The following AFG2A variants were observed in gnomAD, a reference collection of about 807,000 sequenced individuals.
The protein encoded by AFG2A is AAA ATPase AFG2A.
At chr4:123,143,811 A>G in the AFG2A span, among the ~76,000 whole-genome samples, 1 of 145,918 alleles carries the variant, frequency 6.9e-6, no homozygotes. Context: ...TCATTCAGGG[A>G]TATGCATAAA....
the AFG2A span, among the ~76,000 whole-genome samples, chr4:123,245,708 C>T: frequency 6.6e-6 from 1 of 152,184 alleles, no homozygotes; most frequent in Non-Finnish European, 1.5e-5. Flanking sequence ...TTTTCTTGCA[C>T]AGTGCTACAG....
chr4:123,250,881 A>G, the AFG2A span, among the ~76,000 whole-genome samples: 8 of 152,274 alleles, frequency 5.3e-5, no homozygotes, highest in South Asian at 1.7e-3. Context: ...CCACCCTAAT[A>G]TCCCAAAACA....
the AFG2A span, among the ~76,000 whole-genome samples, chr4:123,019,745 C>G: frequency 2.6e-5 from 4 of 152,086 alleles, no homozygotes; most frequent in Non-Finnish European, 5.9e-5. Context: ...TTTCTTATTT[C>G]TCTTTCTAGA....
the AFG2A span, among the ~76,000 whole-genome samples, chr4:123,263,382 GT>G: frequency 6.6e-6 from 1 of 152,152 alleles, no homozygotes; most frequent in Non-Finnish European, 1.5e-5. Flanking sequence ...TCTGTACAAG[GT>G]GTCTTATTTT....
At chr4:123,006,114 T>TG in the AFG2A span, among the ~76,000 whole-genome samples, 1 of 151,826 alleles carries the variant, frequency 6.6e-6, no homozygotes, top group East Asian at 1.9e-4. Context: ...GTTTTTTTTT[T>TG]TAATATCTGA....
the AFG2A span, among the ~76,000 whole-genome samples, chr4:123,007,644 C>T: frequency 6.8e-5 from 2 of 29,306 alleles, no homozygotes; most frequent in Non-Finnish European, 8.8e-5. Flanking sequence ...ACACACACAA[C>T]ACACACACAC....
At chr4:122,934,059 AT>A in the AFG2A span, 12,348 of 1,510,506 alleles carry the variant, frequency 8.2e-3, 774 homozygotes, top group African/African-American at 0.14. Context: ...GGTAAAAAAA[AT>A]TATGCTAACA....
At chr4:123,136,861 A>G in the AFG2A span, among the ~76,000 whole-genome samples, 1 of 151,960 alleles carries the variant, frequency 6.6e-6, no homozygotes, top group Admixed American at 6.5e-5. Context: ...AAAAAAAGAA[A>G]AAAAGAGAAT....
At chr4:123,235,258 T>C in the AFG2A span, among the ~76,000 whole-genome samples, 1 of 152,184 alleles carries the variant, frequency 6.6e-6, no homozygotes, top group African/African-American at 2.4e-5. Flanking sequence ...TTATGTACCA[T>C]TCTTTTTAAT....
At chr4:123,168,040 T>C in the AFG2A span, among the ~76,000 whole-genome samples, 2 of 152,180 alleles carry the variant, frequency 1.3e-5, no homozygotes, top group Non-Finnish European at 2.9e-5. Context: ...CCAGTATCAC[T>C]ATTTGTTTTG....
chr4:123,007,648 C>CACATAT, the AFG2A span, among the ~76,000 whole-genome samples: 1 of 39,848 alleles, frequency 2.5e-5, no homozygotes, highest in Non-Finnish European at 6.8e-5. Context: ...ACACAACACA[C>CACATAT]ACACACACAC....
chr4:123,035,312 G>T, the AFG2A span, among the ~76,000 whole-genome samples: 1 of 151,866 alleles, frequency 6.6e-6, no homozygotes, highest in Non-Finnish European at 1.5e-5. Context: ...TACTGTTTGG[G>T]CTCATCTAGA....
chr4:123,300,844 TAGG>T, the AFG2A span, among the ~76,000 whole-genome samples: 1 of 151,994 alleles, frequency 6.6e-6, no homozygotes, highest in African/African-American at 2.4e-5. Flanking sequence ...TAGTTATACT[TAGG>T]AGCAGCTGTT....
the AFG2A span, among the ~76,000 whole-genome samples, chr4:123,287,165 C>T: frequency 6.6e-6 from 1 of 152,182 alleles, no homozygotes; most frequent in Non-Finnish European, 1.5e-5. Flanking sequence ...TCAGGAACTA[C>T]TTGCAGCCAC....
chr4:123,284,268 C>A, the AFG2A span, among the ~76,000 whole-genome samples: 3 of 152,162 alleles, frequency 2.0e-5, no homozygotes, highest in Non-Finnish European at 4.4e-5. Flanking sequence ...TTTGCAGACA[C>A]CCCCGATTAT....
chr4:123,207,605 C>T, the AFG2A span, among the ~76,000 whole-genome samples: 1 of 152,122 alleles, frequency 6.6e-6, no homozygotes, highest in African/African-American at 2.4e-5. Flanking sequence ...GTGTGAGCCA[C>T]CACGCCTAGC....
chr4:122,986,029 A>G, the AFG2A span, among the ~76,000 whole-genome samples: 1 of 151,206 alleles, frequency 6.6e-6, no homozygotes, highest in African/African-American at 2.4e-5. Context: ...TTTGTTTTTG[A>G]CCCAGCGCTC....
the AFG2A span, among the ~76,000 whole-genome samples, chr4:122,995,725 G>A: frequency 6.6e-6 from 1 of 152,154 alleles, no homozygotes; most frequent in South Asian, 2.1e-4. Context: ...ATTTCTGATG[G>A]TTATCTTGTT....
At chr4:123,144,881 C>CCTGTGGAA in the AFG2A span, among the ~76,000 whole-genome samples, 1 of 152,018 alleles carries the variant, frequency 6.6e-6, no homozygotes, top group Admixed American at 6.6e-5. Context: ...TTTCATCTTT[C>CCTGTGGAA]AGTAGATGGA....
Sources: gnomAD v4.1 joint callset for allele counts (sites outside exome capture counted in the v4.1 genomes callset) on GRCh38, gnomAD v4.1.1 for gene constraint, MANE v1.5 for transcripts, NCBI Gene and HGNC (gene_info 2026-07-23, HGNC 2026-07-21) for gene names.